The following CDK14 variants were observed in gnomAD, a reference collection of about 807,000 sequenced individuals.
CDK14 encodes cyclin dependent kinase 14.
A neutral mutation model predicts 60.7 loss-of-function variants in CDK14; 34 were observed. The observed-to-expected ratio is 0.56, with a 90% CI of 0.43 to 0.75. The LOEUF (loss-of-function observed/expected upper bound fraction) is 0.75, where lower values mean the gene tolerates loss of function less well. CDK14 is among the 30% of genes least tolerant of loss of function. The pLI is 0.00. For missense variants in CDK14, 482 were observed against 564.1 expected (o/e 0.85, Z 1.47); for synonymous variants, 197 against 203.7 (o/e 0.97, Z 0.28).
At chr7:90,707,629 A>G (rs945034936) in intron 2 of CDK14, among the ~76,000 whole-genome samples, 2 of 152,184 alleles carry the variant, frequency 1.3e-5, no homozygotes, top group African/African-American at 4.8e-5. Context: ...CTGCCCTGGC[A>G]TTGAGCCACC....
chr7:91,000,504 G>C (rs1795807614), intron 10 of CDK14, among the ~76,000 whole-genome samples: 1 of 152,230 alleles, frequency 6.6e-6, no homozygotes. Context: ...TAGGATTCAA[G>C]AAAGTAATAG....
intron 13 of CDK14, among the ~76,000 whole-genome samples, chr7:91,115,797 G>A (rs17163595): frequency 0.011 from 1,635 of 152,224 alleles, 24 homozygotes; most frequent in African/African-American, 0.037. Context: ...GTGAAATTAC[G>A]GGCTTATGTC....
intron 12 of CDK14, among the ~76,000 whole-genome samples, chr7:91,091,762 GAAGT>G (rs760542302): frequency 0.22 from 9,678 of 44,584 alleles, 541 homozygotes; most frequent in East Asian, 0.48. Flanking sequence ...AGGAAGGAAG[GAAGT>G]AAGTTATTTT....
chr7:90,707,174 T>TA (rs1801916713), intron 2 of CDK14, among the ~76,000 whole-genome samples: 1 of 152,140 alleles, frequency 6.6e-6, no homozygotes, highest in South Asian at 2.1e-4. Context: ...ACTCAATGTG[T>TA]AAAAAATTGA....
intron 2 of CDK14, among the ~76,000 whole-genome samples, chr7:90,652,889 G>T (rs1336724603): frequency 6.6e-6 from 1 of 152,014 alleles, no homozygotes; most frequent in African/African-American, 2.4e-5. Flanking sequence ...TAGAAGTGAA[G>T]GTTGCATACA....
intron 2 of CDK14, among the ~76,000 whole-genome samples, chr7:90,638,777 G>A (rs1269812506): frequency 1.3e-5 from 2 of 152,124 alleles, no homozygotes; most frequent in Non-Finnish European, 2.9e-5. Context: ...CCAATCAGAC[G>A]TAGATTTGGT....
At chr7:91,067,951 G>A (rs148239123) in intron 11 of CDK14, among the ~76,000 whole-genome samples, 190 of 152,216 alleles carry the variant, frequency 1.2e-3, no homozygotes, top group Non-Finnish European at 2.4e-3. Context: ...CTTGCTTTGC[G>A]GATAGTACAA....
At chr7:91,045,799 AG>A in intron 10 of CDK14, 97 bp from the exon 11 acceptor site, 1 of 715,610 alleles carries the variant, frequency 1.4e-6, no homozygotes, top group Non-Finnish European at 2.4e-6. Flanking sequence ...AAAATACCAG[AG>A]TTTCATAATA....
At chr7:90,653,267 CT>C (rs938472462) in intron 2 of CDK14, among the ~76,000 whole-genome samples, 55 of 152,226 alleles carry the variant, frequency 3.6e-4, no homozygotes, top group African/African-American at 1.1e-3. Flanking sequence ...CACAACCCCC[CT>C]CTGTTTCTTC....
At chr7:90,807,558 C>A (rs1468261613) in intron 5 of CDK14, among the ~76,000 whole-genome samples, 7 of 152,076 alleles carry the variant, frequency 4.6e-5, no homozygotes, top group Non-Finnish European at 1.0e-4. Context: ...AATCCGAGTG[C>A]CTCTCCTCCT....
At chr7:91,063,114 A>G (rs1797859111) in intron 11 of CDK14, among the ~76,000 whole-genome samples, 1 of 152,204 alleles carries the variant, frequency 6.6e-6, no homozygotes, top group Non-Finnish European at 1.5e-5. Flanking sequence ...TATTTGCTGA[A>G]TAATCATCTC....
intron 9 of CDK14, among the ~76,000 whole-genome samples, chr7:90,977,736 A>C (rs957608477): frequency 3.9e-5 from 6 of 152,120 alleles, no homozygotes; most frequent in African/African-American, 1.4e-4. Flanking sequence ...CTTTGGAAAC[A>C]AGTCACTAAG....
At chr7:90,967,201 A>AG (rs1350668433) in intron 9 of CDK14, among the ~76,000 whole-genome samples, 1 of 150,574 alleles carries the variant, frequency 6.6e-6, no homozygotes, top group African/African-American at 2.4e-5. Flanking sequence ...GAAGGAAGGA[A>AG]GAAAGGAAGG....
chr7:90,952,668 C>T (rs1403290519), intron 8 of CDK14, among the ~76,000 whole-genome samples: 1 of 152,126 alleles, frequency 6.6e-6, no homozygotes, highest in Non-Finnish European at 1.5e-5. Context: ...TGCTTTTTGT[C>T]TTTTAAATCA....
At chr7:90,788,935 AGGCAGGGGAGCTCTATTT>A (rs142137384) in intron 4 of CDK14, among the ~76,000 whole-genome samples, 2,308 of 152,158 alleles carry the variant, frequency 0.015, 50 homozygotes, top group African/African-American at 0.051. Flanking sequence ...GAAGGAGGAG[AGGCAGGGGAGCTCTATTT>A]GGTATAGGAA....
chr7:91,091,501 T>TTATATATATATATATATATATA (rs56670195), intron 12 of CDK14, among the ~76,000 whole-genome samples: 1,798 of 88,910 alleles, frequency 0.02, 116 homozygotes, highest in Non-Finnish European at 0.027. Context: ...TTTATATATT[T>TTATATATATATATATATATATA]TATATATATA....
chr7:91,027,692 A>G (rs771127945), intron 10 of CDK14, among the ~76,000 whole-genome samples: 4 of 150,314 alleles, frequency 2.7e-5, no homozygotes, highest in Non-Finnish European at 5.9e-5. Flanking sequence ...TAGGGGTACA[A>G]GTGGTTTTTG....
At chr7:91,009,844 A>G (rs1796098289) in intron 10 of CDK14, among the ~76,000 whole-genome samples, 1 of 152,116 alleles carries the variant, frequency 6.6e-6, no homozygotes, top group South Asian at 2.1e-4. Flanking sequence ...AATCCCAAGA[A>G]ATCTTGATCT....
intron 10 of CDK14, among the ~76,000 whole-genome samples, chr7:90,986,630 TA>T (rs1375770564): frequency 2.0e-5 from 3 of 152,008 alleles, no homozygotes; most frequent in Non-Finnish European, 4.4e-5. Context: ...ATAAGTTTCT[TA>T]AAAATATAAA....
Sources: allele counts gnomAD v4.1 joint callset (sites outside exome capture counted in the v4.1 genomes callset), GRCh38; gene constraint gnomAD v4.1.1; transcripts MANE v1.5; gene names NCBI Gene and HGNC (gene_info 2026-07-23, HGNC 2026-07-21).